PTPRJ: variants seen among roughly 807,000 people sequenced by gnomAD.
PTPRJ encodes the protein protein tyrosine phosphatase receptor type J.
A neutral mutation model predicts 141.3 loss-of-function variants in PTPRJ; 129 were observed. The ratio of observed to expected loss-of-function variants is 0.91; its 90% CI spans 0.79 to 1.06. PTPRJ has a LOEUF of 1.06. PTPRJ is among the 50% of genes least tolerant of loss of function. PTPRJ has a pLI of 0.00. For missense variants in PTPRJ, 1,601 were observed against 1,679.7 expected (o/e 0.95, Z 0.82); for synonymous variants, 610 against 640.5 (o/e 0.95, Z 0.72).
At chr11:48,085,493 C>T (rs562573016) in intron 1 of PTPRJ, among the ~76,000 whole-genome samples, 5 of 152,094 alleles carry the variant, frequency 3.3e-5, no homozygotes, top group Admixed American at 2.0e-4. Flanking sequence ...TACAGGCACC[C>T]GCCACCACAC....
At chr11:48,066,420 T>G (rs1024510534) in intron 1 of PTPRJ, among the ~76,000 whole-genome samples, 2 of 151,996 alleles carry the variant, frequency 1.3e-5, no homozygotes, top group Admixed American at 6.6e-5. Flanking sequence ...GGGCTGAGGT[T>G]CAGGAGTTAA....
At chr11:48,106,763 C>CTTTTTTTTT (rs35643138) in intron 1 of PTPRJ, among the ~76,000 whole-genome samples, 10 of 86,432 alleles carry the variant, frequency 1.2e-4, no homozygotes, top group African/African-American at 3.1e-4. Flanking sequence ...TTCTTTCTTT[C>CTTTTTTTTT]TTTTTTTTTT....
chr11:48,163,768 G>T, intron 23 of PTPRJ, 150 bp downstream of exon 23: 2 of 982,818 alleles, frequency 2.0e-6, no homozygotes, highest in Non-Finnish European at 1.5e-6. Flanking sequence ...TACTCCCTAA[G>T]CCCTGAGCTT....
chr11:48,053,546 TTTTATATATATAA>T (rs1442841543), intron 1 of PTPRJ, among the ~76,000 whole-genome samples: 3 of 133,402 alleles, frequency 2.2e-5, no homozygotes, highest in African/African-American at 8.6e-5. Flanking sequence ...ATATTATATA[TTTTATATATATAA>T]TTTATATATA....
At position 48,158,160 on chromosome 11, in the gene PTPRJ, A is replaced by G. The variant is rs1857659501; in HGVS notation, c.3439-1770A>G. ...GAGCAAGACTCTGTCTCAAAACAAAACAAAACAAAAAAAGAAGAATGCAAA... is the reference window on the plus strand; with the variant it reads ...GAGCAAGACTCTGTCTCAAAACAAAGCAAAACAAAAAAAGAAGAATGCAAA... On this transcript the variant is annotated intron_variant, in intron 21 of 24. Coordinates refer to ENST00000418331, the MANE Select transcript of PTPRJ (RefSeq NM_002843.4). This position sits in a 1 kb window ranked among gnomAD's most constrained non-coding sequence, Gnocchi z 4.4. Among the ~76,000 whole-genome samples the G allele has an allele frequency of 6.6e-6, 1 of 152,194 alleles. No homozygotes were observed. Among genetic ancestry groups the G allele is most frequent in the Non-Finnish European group, 1.5e-5 (1 of 68,032 alleles).
rs752929530 is a variant in PTPRJ, at chr11:48,125,032, C to G, written c.939C>G (p.Leu313=). Residue 313 remains leucine (L), a synonymous_variant, in exon 6 of 25, where the codon CTC becomes CTG. Coordinates refer to ENST00000418331, the MANE Select transcript of PTPRJ (RefSeq NM_002843.4). ...SPTAPVHDES[L]VGPVDPSSGQ... ...CCGCCCCTGTGCATGATGAGTCCCT[C>G]GTGGGACCTGTGGACCCATCCTCCG... is the stretch of plus-strand genomic sequence containing the variant. 2.2e-5 allele frequency: 35 copies of G among 1,614,014 alleles called. No homozygotes were observed. The highest frequency in any genetic ancestry group is 3.0e-5 in the Non-Finnish European group (35 of 1,180,030).
chr11:48,061,909 GTTTTTTT>G (rs551934826), intron 1 of PTPRJ, among the ~76,000 whole-genome samples: 7 of 134,616 alleles, frequency 5.2e-5, no homozygotes, highest in Non-Finnish European at 8.2e-5. Context: ...CCAACTTATA[GTTTTTTT>G]TTTTTTTTTT....
In PTPRJ at chr11:48,156,113, G is replaced by A. The variant is rs749542742; in HGVS notation, c.3432G>A (p.Gln1144=). Residue 1144 remains glutamine (Q), a synonymous_variant, in exon 21 of 25, where the codon CAG becomes CAA. Coordinates refer to ENST00000418331, the MANE Select transcript of PTPRJ (RefSeq NM_002843.4). ...TTATGTTGACTAAATGTGTTGAACA[G>A]GGAAGAGTAAGTATCTTTTTTAGTT... The part of the protein sequence containing the change: ...AIIMLTKCVE[Q]GRTKCEEYWP... 6.3e-7 allele frequency: 1 copy of A among 1,585,790 alleles called. No individual in the cohort carries two copies. The highest frequency in any genetic ancestry group is 1.1e-5 in the South Asian group (1 of 88,684).
intron 1 of PTPRJ, among the ~76,000 whole-genome samples, chr11:48,092,569 A>G (rs553903655): frequency 6.6e-6 from 1 of 151,968 alleles, no homozygotes; most frequent in Admixed American, 6.6e-5. Flanking sequence ...AGCTGGGATT[A>G]TAGGCACTCG....
chr11:48,079,048 G>T (rs976334472), intron 1 of PTPRJ, among the ~76,000 whole-genome samples: 2 of 152,034 alleles, frequency 1.3e-5, no homozygotes, highest in African/African-American at 4.8e-5. Flanking sequence ...TCAAGGGACA[G>T]TTTAGAGCAG....
At chr11:48,149,868 A>G (rs368924858) in intron 16 of PTPRJ, 122 bp from the exon 17 acceptor site, 6 of 696,472 alleles carry the variant, frequency 8.6e-6, no homozygotes, top group Admixed American at 6.1e-5. Flanking sequence ...TAGTACTCTG[A>G]CCCCCTCTTG....
chr11:48,022,632 A>C (rs1362856163), intron 1 of PTPRJ, among the ~76,000 whole-genome samples: 1 of 151,998 alleles, frequency 6.6e-6, no homozygotes, highest in Non-Finnish European at 1.5e-5. Flanking sequence ...AAAATGAAGA[A>C]GTTTGACTTG....
chr11:48,016,087 G>A (rs1411185847), intron 1 of PTPRJ, among the ~76,000 whole-genome samples: 1 of 152,106 alleles, frequency 6.6e-6, no homozygotes, highest in African/African-American at 2.4e-5. Context: ...TGGAAGCTGG[G>A]CTGGCTGGAT....
At chr11:48,058,264 G>T (rs1854814431) in intron 1 of PTPRJ, among the ~76,000 whole-genome samples, 1 of 151,986 alleles carries the variant, frequency 6.6e-6, no homozygotes, top group East Asian at 1.9e-4. Context: ...GGTGTGCAGT[G>T]GTGTGATCAT....
chr11:48,027,791 CAAAAAAAAAAAAAAA>C (rs750153282), intron 1 of PTPRJ, among the ~76,000 whole-genome samples: 2 of 32,900 alleles, frequency 6.1e-5, no homozygotes, highest in South Asian at 1.6e-3. Flanking sequence ...ACTCTGTCTC[CAAAAAAAAAAAAAAA>C]AAAAAAAAAA....
At chr11:48,128,141 T>C in intron 7 of PTPRJ, 98 bp downstream of exon 7, 1 of 1,427,378 alleles carries the variant, frequency 7.0e-7, no homozygotes, top group Non-Finnish European at 9.6e-7. Flanking sequence ...GACTGTTGGC[T>C]GACCACACGC....
At chr11:48,079,759 T>A (rs1855512210) in intron 1 of PTPRJ, among the ~76,000 whole-genome samples, 2 of 152,132 alleles carry the variant, frequency 1.3e-5, no homozygotes, top group African/African-American at 4.8e-5. Context: ...TTTCCCCCGC[T>A]TGCCTTTAGG....
In PTPRJ at chr11:48,156,105, G is replaced by GT; in HGVS notation, c.3426dup (p.Glu1143Ter). ...TGCCATCATTATGTTGACTAAATGT[G>GT]TTGAACAGGGAAGAGTAAGTATCTT... On this transcript the variant is annotated frameshift_variant, in exon 21 of 25. Coordinates refer to ENST00000418331, the MANE Select transcript of PTPRJ (RefSeq NM_002843.4). LOFTEE classifies it high-confidence loss of function. The GT allele has an allele frequency of 6.3e-7, 1 of 1,592,590 alleles. No individual in the cohort carries two copies. The highest frequency in any genetic ancestry group is 8.6e-7 in the Non-Finnish European group (1 of 1,161,054).
At chr11:48,125,577 C>T (rs768307964) in intron 6 of PTPRJ, among the ~76,000 whole-genome samples, 10 of 152,144 alleles carry the variant, frequency 6.6e-5, no homozygotes, top group Admixed American at 4.6e-4. Flanking sequence ...TTTTTTCACC[C>T]GCCTTGTAAT....
Sources: allele counts gnomAD v4.1 joint callset (sites outside exome capture counted in the v4.1 genomes callset), GRCh38; gene constraint gnomAD v4.1.1; non-coding constraint Gnocchi (gnomAD v3.1); transcripts MANE v1.5; gene names NCBI Gene and HGNC (gene_info 2026-07-23, HGNC 2026-07-21).